The following ZNRF3 variants were observed in gnomAD, a reference collection of about 807,000 sequenced individuals.
ZNRF3 encodes the protein zinc and ring finger 3.
In ZNRF3, 23 loss-of-function variants were observed where a neutral mutation model predicts 72.5. The ratio of observed to expected loss-of-function variants is 0.32; its 90% CI spans 0.23 to 0.45. The LOEUF is 0.45. Ranked by LOEUF, ZNRF3 falls within the 20% of genes least tolerant of loss-of-function variation. The probability of loss-of-function intolerance (pLI) is 1.00; values close to 1 mark genes in which losing one functional copy is unlikely to be tolerated. For synonymous variants in ZNRF3, 610 were observed against 545.3 expected, an observed-to-expected ratio of 1.12 and a Z score of -1.65; for missense variants, 1,169 against 1,272.1, an observed-to-expected ratio of 0.92 and a Z score of 1.23.
At chr22:28,977,499 T>C (rs866345597) in intron 1 of ZNRF3, among the ~76,000 whole-genome samples, 1 of 152,214 alleles carries the variant, frequency 6.6e-6, no homozygotes, top group Non-Finnish European at 1.5e-5. Context: ...ACGTAAATTA[T>C]AAGTCTTGGT....
intron 1 of ZNRF3, among the ~76,000 whole-genome samples, chr22:28,904,938 G>A (rs2034177890): frequency 6.9e-6 from 1 of 144,600 alleles, no homozygotes; most frequent in African/African-American, 2.6e-5. Flanking sequence ...GTGTGAAAGT[G>A]TCTTTTTTTT....
intron 5 of ZNRF3, 93 bp downstream of exon 5, chr22:29,044,983 G>A (rs1281753098): frequency 2.3e-6 from 2 of 854,468 alleles, no homozygotes; most frequent in Admixed American, 1.9e-5. Context: ...TTTTGATGGT[G>A]CAACATGGAG....
intron 1 of ZNRF3, among the ~76,000 whole-genome samples, chr22:28,914,581 G>A (rs1279864072): frequency 4.0e-5 from 6 of 149,172 alleles, no homozygotes; most frequent in South Asian, 2.2e-4. Flanking sequence ...TTGGGAGGCC[G>A]AGGTGGGAGG....
chr22:29,051,465 G>T (rs746972936), intron 8 of ZNRF3, among the ~76,000 whole-genome samples: 6 of 152,162 alleles, frequency 3.9e-5, no homozygotes, highest in Non-Finnish European at 8.8e-5. Context: ...TTAGCCAGGG[G>T]TGGTGGCGGG....
chr22:28,924,078 A>G (rs1295008442), intron 1 of ZNRF3, among the ~76,000 whole-genome samples: 1 of 152,222 alleles, frequency 6.6e-6, no homozygotes, highest in African/African-American at 2.4e-5. Context: ...TGATGCCCAG[A>G]ATGAGAGCTC....
Position 29,003,889 on chromosome 22 carries a change from C to A in ZNRF3, c.426+16688C>A, listed in dbSNP as rs187761825. On this transcript the variant is annotated intron_variant, in intron 2 of 8. Coordinates refer to ENST00000544604, the MANE Select transcript of ZNRF3 (RefSeq NM_001206998.2). Reference sequence around the variant, plus strand: ...GGATCTCTTACCAGCCCCCTGCATACCCCAATCCCTCTGTCTTTGCTTAGG... The same window carrying A: ...GGATCTCTTACCAGCCCCCTGCATAACCCAATCCCTCTGTCTTTGCTTAGG... Among the ~76,000 whole-genome samples, 107 of 152,336 alleles carry A rather than the reference C, an allele frequency of 7.0e-4. No individual in the cohort carries two copies. In the East Asian group the frequency reaches 0.018, roughly 26 times the overall value.
At chr22:29,022,363 T>G (rs921650502) in intron 2 of ZNRF3, among the ~76,000 whole-genome samples, 6 of 152,194 alleles carry the variant, frequency 3.9e-5, no homozygotes, top group African/African-American at 1.4e-4. Flanking sequence ...TCCTCTTGAC[T>G]GTCAGATCCT....
chr22:28,953,603 G>A (rs2035204607), intron 1 of ZNRF3, among the ~76,000 whole-genome samples: 1 of 152,202 alleles, frequency 6.6e-6, no homozygotes, highest in Non-Finnish European at 1.5e-5. Context: ...AACCTTTCAA[G>A]TTTCAGGGCT....
intron 1 of ZNRF3, among the ~76,000 whole-genome samples, chr22:28,942,159 A>T (rs1352063435): frequency 6.6e-6 from 1 of 152,178 alleles, no homozygotes; most frequent in Non-Finnish European, 1.5e-5. Context: ...GTTTTAGGAA[A>T]TAATTTTGAG....
intron 1 of ZNRF3, among the ~76,000 whole-genome samples, chr22:28,938,320 C>T (rs2034878756): frequency 6.6e-6 from 1 of 151,784 alleles, no homozygotes; most frequent in Admixed American, 6.6e-5. Context: ...TGTTTTACAC[C>T]CTTTTAAATA....
At chr22:29,025,027 G>T (rs1354451807) in intron 2 of ZNRF3, 1 of 132,262 alleles carries the variant, frequency 7.6e-6, no homozygotes, top group Non-Finnish European at 1.5e-5. Flanking sequence ...TGTCGCCCAG[G>T]CTGGAGTGCA....
intron 8 of ZNRF3, among the ~76,000 whole-genome samples, chr22:29,052,861 C>T (rs1207433338): frequency 1.3e-5 from 2 of 152,114 alleles, no homozygotes; most frequent in East Asian, 3.9e-4. Context: ...CACGGTGACA[C>T]ATGCCATTAG....
At chr22:29,044,692 C>G in intron 4 of ZNRF3, 88 bp from the exon 5 acceptor site, 1 of 916,932 alleles carries the variant, frequency 1.1e-6, no homozygotes, top group Non-Finnish European at 1.8e-6. Flanking sequence ...GTCACCCCAT[C>G]TTTATCCTGA....
chr22:29,045,430 C>A (rs529002694), intron 5 of ZNRF3, among the ~76,000 whole-genome samples: 1 of 151,208 alleles, frequency 6.6e-6, no homozygotes, highest in African/African-American at 2.4e-5. Flanking sequence ...AAGGGCTAGT[C>A]CTACAAAGGT....
chr22:29,021,719 C>T (rs2036543627), intron 2 of ZNRF3, among the ~76,000 whole-genome samples: 1 of 151,838 alleles, frequency 6.6e-6, no homozygotes, highest in Admixed American at 6.6e-5. Context: ...AACTCCTGAC[C>T]TCAAATGACC....
chr22:28,988,866 T>C (rs1393737988), intron 2 of ZNRF3, among the ~76,000 whole-genome samples: 1 of 152,162 alleles, frequency 6.6e-6, no homozygotes, highest in East Asian at 1.9e-4. Context: ...TATAAATGGG[T>C]TGGAACAGGG....
intron 1 of ZNRF3, among the ~76,000 whole-genome samples, chr22:28,900,323 G>A (rs2034079895): frequency 6.6e-6 from 1 of 152,204 alleles, no homozygotes; most frequent in Non-Finnish European, 1.5e-5. Flanking sequence ...AGGGTGCCCT[G>A]CTCACGAGCT....
At chr22:28,975,698 C>T (rs1246225225) in intron 1 of ZNRF3, among the ~76,000 whole-genome samples, 1 of 151,990 alleles carries the variant, frequency 6.6e-6, no homozygotes, top group Non-Finnish European at 1.5e-5. Context: ...GATCGCACCA[C>T]TGCACTCTAG....
chr22:28,935,276 G>A (rs1045938661), intron 1 of ZNRF3, among the ~76,000 whole-genome samples: 2 of 152,204 alleles, frequency 1.3e-5, no homozygotes, highest in African/African-American at 4.8e-5. Flanking sequence ...AAGGTTGCCT[G>A]TGTACCTGCC....
Sources: gnomAD v4.1 joint callset for allele counts (sites outside exome capture counted in the v4.1 genomes callset) on GRCh38, gnomAD v4.1.1 for gene constraint, MANE v1.5 for transcripts, NCBI Gene and HGNC (gene_info 2026-07-23, HGNC 2026-07-21) for gene names.